The following KIAA1671 variants were observed in gnomAD, a reference collection of about 807,000 sequenced individuals.
KIAA1671 encodes uncharacterized protein KIAA1671.
A neutral mutation model predicts 131.2 loss-of-function variants in KIAA1671; 52 were observed. The ratio of observed to expected loss-of-function variants is 0.40; its 90% CI spans 0.32 to 0.50. The LOEUF is 0.50. Among genes scored for constraint, KIAA1671 ranks in the 20% least tolerant of loss-of-function variants. The probability of loss-of-function intolerance (pLI) is 0.73; values close to 1 mark genes in which losing one functional copy is unlikely to be tolerated. For missense variants in KIAA1671, 2,360 were observed against 2,364.2 expected, an observed-to-expected ratio of 1.00 and a Z score of 0.04; for synonymous variants, 1,003 against 961.6, an observed-to-expected ratio of 1.04 and a Z score of -0.80.
rs1160334628 is a variant in KIAA1671, at chr22:25,164,032, G to A, written c.4531-6788G>A. ...CTGTCTCCCCAAAGCTGTCCACTGA[G>A]GCACTTGTCTTTGCCTGCAAGACAA... On this transcript the variant is annotated intron_variant, in intron 6 of 12. Coordinates refer to ENST00000358431, the MANE Select transcript of KIAA1671 (RefSeq NM_001145206.2). 2.6e-5 allele frequency among the ~76,000 whole-genome samples: 4 copies of A among 152,260 alleles called. No homozygotes were observed. In the East Asian group the frequency reaches 7.7e-4, roughly 29 times the overall value.
At chr22:24,964,708 C>A (rs1922202889) in intron 1 of KIAA1671, among the ~76,000 whole-genome samples, 1 of 152,176 alleles carries the variant, frequency 6.6e-6, no homozygotes, top group Non-Finnish European at 1.5e-5. Context: ...AAGGTCTGAG[C>A]CACCATGCCC....
chr22:25,153,067 T>C lies in KIAA1671; in HGVS notation c.4531-17753T>C, dbSNP rs567628524. Among the ~76,000 whole-genome samples, 7 of 152,308 alleles carry C rather than the reference T, an allele frequency of 4.6e-5. No homozygotes were observed. In the East Asian group the frequency reaches 9.6e-4, roughly 21 times the overall value. On this transcript the variant is annotated intron_variant, in intron 6 of 12. Transcript: ENST00000358431. ...ATCCCCTAAGGGGCCTTTCTAAACA[T>C]TTTTTCCCTAGTTGCCTTCCCAGTA...
At chr22:25,111,414 GCCGCCA>G (rs1237019096) in intron 6 of KIAA1671, among the ~76,000 whole-genome samples, 1 of 152,192 alleles carries the variant, frequency 6.6e-6, no homozygotes, top group African/African-American at 2.4e-5. Flanking sequence ...CTGGGCGGCC[GCCGCCA>G]CCGCCTCCGC....
rs941579475 is a variant in KIAA1671, at chr22:25,027,979, C to A, written c.-21C>A. ...CTCCATTCTTGAAGTTCCTAACCCC[C>A]ATGAATCCACAACCATAACCATGGC... On this transcript the variant is annotated 5_prime_UTR_variant, in exon 3 of 13. Coordinates refer to ENST00000358431, the MANE Select transcript of KIAA1671 (RefSeq NM_001145206.2). The A allele has an allele frequency of 2.0e-5, 29 of 1,449,154 alleles. No individual in the cohort carries two copies. Among genetic ancestry groups the A allele is most frequent in the Admixed American group, 2.8e-5 (1 of 35,110 alleles). The allele number at this position is 1,449,154 out of a possible 1,614,324, so 89.8% of individuals were successfully genotyped here. A position where few individuals can be genotyped will look rare whatever the true frequency, so the allele number is the denominator to read the frequency against.
chr22:24,992,690 C>T (rs1362380399), intron 1 of KIAA1671, among the ~76,000 whole-genome samples: 1 of 151,670 alleles, frequency 6.6e-6, no homozygotes, highest in Admixed American at 6.6e-5. Flanking sequence ...TGGTGCATGC[C>T]TATAGTCCCA....
chr22:24,962,694 GTAT>G (rs1186801050), intron 1 of KIAA1671, among the ~76,000 whole-genome samples: 1 of 152,206 alleles, frequency 6.6e-6, no homozygotes, highest in African/African-American at 2.4e-5. Context: ...AGGATTACTA[GTAT>G]TATTATTAGT....
intron 1 of KIAA1671, among the ~76,000 whole-genome samples, 152 bp from the exon 2 acceptor site, chr22:25,025,481 A>T (rs951772383): frequency 6.6e-6 from 1 of 152,182 alleles, no homozygotes; most frequent in Non-Finnish European, 1.5e-5. Flanking sequence ...ACGTACATAT[A>T]AGGCTACAAA....
At chr22:24,970,291 C>T (rs533850954) in intron 1 of KIAA1671, among the ~76,000 whole-genome samples, 1 of 152,254 alleles carries the variant, frequency 6.6e-6, no homozygotes, top group East Asian at 1.9e-4. Context: ...GTCTGAAAGC[C>T]ATGATGTCAC....
rs547620548 is a variant in KIAA1671, at chr22:25,099,323, C to T, written c.4530+49959C>T. On this transcript the variant is annotated intron_variant, in intron 6 of 12. Transcript: ENST00000358431. The stretch of plus-strand genomic sequence containing the variant: ...AAGCTACTTGCCCAGGATCACATAG[C>T]AAGGAGCTGGAGGGCCAGGCAGTCA... Among the ~76,000 whole-genome samples, 6 of 152,154 alleles carry T rather than the reference C, an allele frequency of 3.9e-5. No homozygotes were observed. In the East Asian group the frequency reaches 1.2e-3, roughly 29 times the overall value.
At chr22:25,085,519 T>G (rs1929659554) in intron 6 of KIAA1671, among the ~76,000 whole-genome samples, 1 of 107,228 alleles carries the variant, frequency 9.3e-6, no homozygotes. Context: ...TCCCCCCCCA[T>G]AACCCCCTGT....
intron 11 of KIAA1671, chr22:25,185,517 T>A: frequency 5.5e-6 from 1 of 182,830 alleles, no homozygotes; most frequent in Non-Finnish European, 1.1e-5. Flanking sequence ...GGAAGGTGGA[T>A]CAAAGGGCAC....
At chr22:25,152,898 C>T (rs149465776) in intron 6 of KIAA1671, among the ~76,000 whole-genome samples, 270 of 152,186 alleles carry the variant, frequency 1.8e-3, no homozygotes, top group African/African-American at 6.3e-3. Flanking sequence ...AGCCACCATG[C>T]CTCGCCTAAT....
At chr22:25,170,739 G>A (rs1051763474) in intron 6 of KIAA1671, 81 bp from the exon 7 acceptor site, 17 of 1,380,128 alleles carry the variant, frequency 1.2e-5, no homozygotes, top group Middle Eastern at 1.8e-4. Flanking sequence ...GGGGCCATGC[G>A]ATCTGATTTG....
intron 6 of KIAA1671, among the ~76,000 whole-genome samples, chr22:25,133,646 G>T (rs752163377): frequency 5.3e-5 from 8 of 152,102 alleles, no homozygotes; most frequent in Non-Finnish European, 1.0e-4. Flanking sequence ...GGGCTTGGGC[G>T]ACCCTCCTGC....
chr22:25,110,315 T>C (rs555123072), intron 6 of KIAA1671, among the ~76,000 whole-genome samples: 16 of 152,280 alleles, frequency 1.1e-4, no homozygotes, highest in East Asian at 3.9e-4. Context: ...GAGGTGGTGG[T>C]GGAAAGGACA....
At position 25,040,971 on chromosome 22, in the gene KIAA1671, G is replaced by T. The variant is rs1161527283; in HGVS notation, c.3841G>T (p.Ala1281Ser). 6.8e-7 allele frequency: 1 copy of T among 1,475,656 alleles called. No homozygotes were observed. Among genetic ancestry groups the T allele is most frequent in the Non-Finnish European group, 9.0e-7 (1 of 1,112,520 alleles). The allele number at this position is 1,475,656 out of a possible 1,614,324, so 91.4% of individuals were successfully genotyped here. A position where few individuals can be genotyped will look rare whatever the true frequency, so the allele number is the denominator to read the frequency against. The change falls in exon 5 of 13, where the codon GCA becomes TCA. Residue 1281 changes from alanine (A) to serine (S), a missense_variant. This residue lies in a region of KIAA1671 where 1,161 missense variants were observed against 1,204.7 expected (regional missense o/e 0.96). Coordinates refer to ENST00000358431, the MANE Select transcript of KIAA1671 (RefSeq NM_001145206.2). The part of the protein sequence containing the change: ...SFTPGLGKQL[A>S]ETLETAMGTK... ...CACTCCTGGCTTAGGCAAGCAGCTG[G>T]CAGAGACCTTGGAGACAGCCATGGG...
At chr22:25,019,775 T>C (rs964494690) in intron 1 of KIAA1671, among the ~76,000 whole-genome samples, 2 of 152,152 alleles carry the variant, frequency 1.3e-5, no homozygotes, top group South Asian at 2.1e-4. Context: ...GGCTGAGATA[T>C]GTTCTTTAAG....
At chr22:25,105,917 T>C (rs2076123) in intron 6 of KIAA1671, among the ~76,000 whole-genome samples, 117,741 of 151,752 alleles carry the variant, frequency 0.78, 46,612 homozygotes, top group African/African-American at 0.94. Context: ...CAGTAAAATG[T>C]GAGTGATAAC....
At chr22:24,994,795 C>T (rs558467255) in intron 1 of KIAA1671, among the ~76,000 whole-genome samples, 2 of 152,206 alleles carry the variant, frequency 1.3e-5, no homozygotes, top group African/African-American at 2.4e-5. Context: ...TTGGGGTCCC[C>T]TTTTAAGAAT....
Sources: allele counts gnomAD v4.1 joint callset (sites outside exome capture counted in the v4.1 genomes callset), GRCh38; gene constraint gnomAD v4.1.1; regional missense constraint gnomAD v4.1.1; transcripts MANE v1.5; gene names NCBI Gene and HGNC (gene_info 2026-07-23, HGNC 2026-07-21).